The following RDX variants were observed in gnomAD, a reference collection of about 807,000 sequenced individuals.
RDX encodes the protein radixin.
RDX carries 32 observed loss-of-function variants against 83.7 expected under a neutral mutation model. The observed-to-expected ratio is 0.38, with a 90% CI of 0.29 to 0.51. The LOEUF is 0.51. Ranked by LOEUF, RDX falls within the 20% of genes least tolerant of loss-of-function variation. RDX has a pLI of 0.87. For synonymous variants in RDX, 229 were observed against 222.7 expected, an observed-to-expected ratio of 1.03 and a Z score of -0.25; for missense variants, 600 against 689.9, an observed-to-expected ratio of 0.87 and a Z score of 1.46.
In RDX at chr11:110,229,926, C is replaced by T. The variant is rs2134292342; in HGVS notation, c.*1943G>A. On this transcript the variant is annotated 3_prime_UTR_variant, in exon 14 of 14. Transcript: ENST00000645495. Reference sequence around the variant, plus strand: ...CTCAAAACATGAATAGTAGGGTCCACCATCCATTCCTTTGATGTACTGCAA... The same window carrying T: ...CTCAAAACATGAATAGTAGGGTCCATCATCCATTCCTTTGATGTACTGCAA... 2 of 152,610 alleles carry T rather than the reference C, an allele frequency of 1.3e-5. No homozygotes were observed. Among genetic ancestry groups the T allele is most frequent in the Middle Eastern group, 6.8e-3 (2 of 294 alleles). The allele number at this position is 152,610 out of a possible 1,614,324, so 9.5% of individuals were successfully genotyped here.
chr11:110,224,701 G>T (rs1864375003), downstream of RDX, among the ~76,000 whole-genome samples: 1 of 152,172 alleles, frequency 6.6e-6, no homozygotes, highest in African/African-American at 2.4e-5. Flanking sequence ...TGGAAAATAA[G>T]TTCAGAAGAA....
chr11:110,223,483 G>A (rs1012235620), intron 14 of RDX, among the ~76,000 whole-genome samples: 3 of 151,860 alleles, frequency 2.0e-5, no homozygotes, highest in Non-Finnish European at 2.9e-5. Flanking sequence ...CACCAAAATC[G>A]CACCACTGCA....
At chr11:110,205,933 T>C (rs1000082491) in intron 14 of RDX, among the ~76,000 whole-genome samples, 4 of 152,200 alleles carry the variant, frequency 2.6e-5, no homozygotes, top group Non-Finnish European at 5.9e-5. Context: ...TCTGTGGCTA[T>C]ATTGTTTAAA....
intron 5 of RDX, chr11:110,263,562 GA>G (rs34908137): frequency 0.015 from 2,226 of 151,780 alleles, 42 homozygotes; most frequent in African/African-American, 0.037. Flanking sequence ...TTAAAATCTG[GA>G]AAAAAAAAAA....
chr11:110,190,957 GC>G (rs1436180234), intron 15 of RDX, among the ~76,000 whole-genome samples: 4 of 152,118 alleles, frequency 2.6e-5, no homozygotes, highest in East Asian at 3.8e-4. Context: ...AAAAAACCCA[GC>G]AGCCAAGAAA....
intron 3 of RDX, among the ~76,000 whole-genome samples, chr11:110,267,672 A>G (rs1395893549): frequency 6.6e-6 from 1 of 152,008 alleles, no homozygotes; most frequent in African/African-American, 2.4e-5. Flanking sequence ...AGAAAAAAAG[A>G]AAAAACACTG....
intron 12 of RDX, among the ~76,000 whole-genome samples, chr11:110,234,623 T>TA (rs1864767576): frequency 6.6e-6 from 1 of 152,234 alleles, no homozygotes. Flanking sequence ...TTGATATCTG[T>TA]AATATGCTAA....
chr11:110,209,368 T>C (rs7124213), intron 14 of RDX, among the ~76,000 whole-genome samples: 57,990 of 148,802 alleles, frequency 0.39, 11,485 homozygotes, highest in East Asian at 0.6. Flanking sequence ...ATTGCTAGCA[T>C]AGCAGTCTGA....
intron 14 of RDX, among the ~76,000 whole-genome samples, chr11:110,209,626 C>T (rs1248759445): frequency 1.5e-4 from 23 of 148,812 alleles, no homozygotes; most frequent in African/African-American, 3.2e-4. Context: ...TCTCCCAGCA[C>T]GCAGCTGGAG....
intron 14 of RDX, among the ~76,000 whole-genome samples, chr11:110,204,105 A>T (rs1419937973): frequency 6.6e-6 from 1 of 152,188 alleles, no homozygotes; most frequent in Non-Finnish European, 1.5e-5. Context: ...CAGCCAGTCA[A>T]CTCAGTAAGA....
At chr11:110,184,475 G>A (rs920897527) in intron 15 of RDX, among the ~76,000 whole-genome samples, 6 of 152,214 alleles carry the variant, frequency 3.9e-5, no homozygotes, top group Non-Finnish European at 7.3e-5. Context: ...AGCAAGGCAC[G>A]GGCCTCTAAG....
intron 15 of RDX, chr11:110,179,875 GTTCT>G (rs1021722476): frequency 1.6e-5 from 7 of 427,476 alleles, no homozygotes; most frequent in South Asian, 1.7e-5. Flanking sequence ...TCTGGACTTT[GTTCT>G]TTTTCTTTTT....
At chr11:110,285,061 C>T (rs78561924) in intron 1 of RDX, among the ~76,000 whole-genome samples, 1 of 152,026 alleles carries the variant, frequency 6.6e-6, no homozygotes, top group Non-Finnish European at 1.5e-5. Context: ...TGTTTTTACA[C>T]CAATTTAGTG....
chr11:110,293,899 G>A (rs987224236), intron 1 of RDX, among the ~76,000 whole-genome samples: 2 of 152,080 alleles, frequency 1.3e-5, no homozygotes, highest in Non-Finnish European at 2.9e-5. Context: ...ATTTGACCCC[G>A]TTTTTAAACA....
At chr11:110,198,686 C>G (rs988714287) in intron 15 of RDX, among the ~76,000 whole-genome samples, 2 of 152,288 alleles carry the variant, frequency 1.3e-5, no homozygotes, top group Admixed American at 6.5e-5. Flanking sequence ...ATCCCCTCCA[C>G]CCCCCAACCC....
At position 110,202,927 on chromosome 11, in the gene RDX, T is replaced by C. The variant is rs571465495; in HGVS notation, c.1749-3249A>G. On this transcript the variant is annotated intron_variant, in intron 14 of 15. Transcript: ENST00000528498. ...TGAAGAAAAGGGAACCTTTGTACAC[T>C]GTTGGTGAGACTGTAAATTAGTACA... Among the ~76,000 whole-genome samples, 4 of 152,250 alleles carry C rather than the reference T, an allele frequency of 2.6e-5. No homozygotes were observed. In the South Asian group the frequency reaches 8.3e-4, roughly 32 times the overall value.
At chr11:110,254,150 A>G (rs1859448959) in intron 8 of RDX, 41 bp from the exon 9 acceptor site, 1 of 1,536,354 alleles carries the variant, frequency 6.5e-7, no homozygotes, top group Non-Finnish European at 9.0e-7. Context: ...TTCCTCAAGG[A>G]TACTGTCTCT....
chr11:110,257,148 C>T (rs927457681), intron 7 of RDX, among the ~76,000 whole-genome samples: 1 of 150,928 alleles, frequency 6.6e-6, no homozygotes, highest in African/African-American at 2.4e-5. Flanking sequence ...AGTACATATA[C>T]ATGTATATGT....
chr11:110,243,552 T>C (rs980306015), intron 10 of RDX, among the ~76,000 whole-genome samples: 3 of 152,070 alleles, frequency 2.0e-5, no homozygotes, highest in African/African-American at 4.8e-5. Context: ...ACCCTGTCTC[T>C]ACTAAAAATA....
Sources: allele counts gnomAD v4.1 joint callset (sites outside exome capture counted in the v4.1 genomes callset), GRCh38; gene constraint gnomAD v4.1.1; transcripts MANE v1.5; gene names NCBI Gene and HGNC (gene_info 2026-07-23, HGNC 2026-07-21).